TLN2: variants seen among roughly 807,000 people sequenced by gnomAD.
The protein encoded by TLN2 is talin 2.
A neutral mutation model predicts 294.7 loss-of-function variants in TLN2; 118 were observed. The observed-to-expected ratio is 0.40, with a 90% CI of 0.34 to 0.47. The LOEUF (loss-of-function observed/expected upper bound fraction) is 0.47. Ranked by LOEUF, TLN2 falls within the 20% of genes least tolerant of loss-of-function variation. TLN2 has a pLI of 0.84. For missense variants in TLN2, 3,083 were observed against 3,282.2 expected, an observed-to-expected ratio of 0.94 and a Z score of 1.48; for synonymous variants, 1,431 against 1,304.5, an observed-to-expected ratio of 1.10 and a Z score of -2.09.
At position 62,707,145 on chromosome 15, in the gene TLN2, G is replaced by A. The variant is rs1327152822; in HGVS notation, c.2064G>A (p.Lys688=). Residue 688 remains lysine (K), a synonymous_variant, in exon 20 of 59, where the codon AAG becomes AAA. Transcript: ENST00000636159. ...ATGCAGCTGCCATGTTGGTACTAAA[G>A]GCAAAGAATGTTGCCCAAGTGGCCG... ...VANAAAMLVL[K]AKNVAQVAED... is the part of the protein sequence containing the mutation. 6.2e-7 allele frequency: 1 copy of A among 1,614,204 alleles called. No individual in the cohort carries two copies. Among genetic ancestry groups the A allele is most frequent in the Admixed American group, 1.7e-5 (1 of 60,024 alleles).
At chr15:62,538,336 T>C (rs2041481236) in intron 1 of TLN2, among the ~76,000 whole-genome samples, 1 of 152,160 alleles carries the variant, frequency 6.6e-6, no homozygotes, top group African/African-American at 2.4e-5. Flanking sequence ...CCCTTGGATA[T>C]TAAGCACCTA....
intron 11 of TLN2, among the ~76,000 whole-genome samples, chr15:62,681,498 A>G (rs1049119978): frequency 2.6e-5 from 4 of 152,198 alleles, no homozygotes; most frequent in African/African-American, 4.8e-5. Flanking sequence ...TTTTATGTCT[A>G]TGAACATTTT....
intron 24 of TLN2, among the ~76,000 whole-genome samples, chr15:62,718,353 A>G (rs1327767552): frequency 5.9e-5 from 9 of 152,212 alleles, no homozygotes; most frequent in Non-Finnish European, 1.3e-4. Flanking sequence ...TCTGGCTGGC[A>G]TGTCCTGGAA....
chr15:62,716,739 G>A (rs1489196711), intron 23 of TLN2, among the ~76,000 whole-genome samples: 1 of 152,042 alleles, frequency 6.6e-6, no homozygotes, highest in Non-Finnish European at 1.5e-5. Context: ...CATTCAAGAA[G>A]GACCTTTTGC....
At chr15:62,656,997 A>C (rs1350349276) in intron 8 of TLN2, among the ~76,000 whole-genome samples, 1 of 152,146 alleles carries the variant, frequency 6.6e-6, no homozygotes, top group African/African-American at 2.4e-5. Context: ...GATGGCATGG[A>C]AAGAGGGCTG....
intron 1 of TLN2, among the ~76,000 whole-genome samples, chr15:62,421,191 G>T (rs1487692292): frequency 6.6e-6 from 1 of 152,108 alleles, no homozygotes; most frequent in Admixed American, 6.6e-5. Flanking sequence ...ACGAGAAATA[G>T]CATTCCGACC....
chr15:62,672,509 A>G (rs979782828), intron 9 of TLN2, among the ~76,000 whole-genome samples: 1 of 152,170 alleles, frequency 6.6e-6, no homozygotes, highest in Non-Finnish European at 1.5e-5. Context: ...CCATGAGTTG[A>G]TAACTCTCGA....
At chr15:62,710,719 C>A (rs2059370072) in intron 21 of TLN2, among the ~76,000 whole-genome samples, 1 of 121,270 alleles carries the variant, frequency 8.2e-6, no homozygotes, top group African/African-American at 3.4e-5. Context: ...CTGCTGATGT[C>A]CTTTTTTTTT....
rs150784803 is a variant in TLN2, at chr15:62,483,132, A to G, written c.-238+92447A>G. Among the ~76,000 whole-genome samples, 34 of 152,284 alleles carry G rather than the reference A, an allele frequency of 2.2e-4. No homozygotes were observed. In the Middle Eastern group the frequency reaches 0.01, roughly 46 times the overall value. On this transcript the variant is annotated intron_variant, in intron 1 of 58. Transcript: ENST00000636159. ...GCTGTGGTCATCCTGGTCTGTCTGC[A>G]TTAGCTGGGATCTCTTAGGCACCAA... is the stretch of plus-strand genomic sequence containing the variant.
chr15:62,797,092 A>T, intron 47 of TLN2, 127 bp from the exon 48 acceptor site: 4 of 1,015,916 alleles, frequency 3.9e-6, no homozygotes, highest in Non-Finnish European at 5.8e-6. Flanking sequence ...GGGAGGTGTA[A>T]CACAGCACTT....
chr15:62,570,030 A>G (rs1016184354), intron 1 of TLN2, among the ~76,000 whole-genome samples: 1 of 151,882 alleles, frequency 6.6e-6, no homozygotes, highest in Non-Finnish European at 1.5e-5. Flanking sequence ...CTTCTTCTCT[A>G]TCTCTCCTTT....
intron 11 of TLN2, among the ~76,000 whole-genome samples, chr15:62,684,972 C>T (rs941068291): frequency 5.3e-5 from 8 of 151,062 alleles, no homozygotes; most frequent in African/African-American, 2.0e-4. Flanking sequence ...ATGTATATAT[C>T]TAGGCCTCTG....
intron 1 of TLN2, among the ~76,000 whole-genome samples, chr15:62,453,432 T>C (rs1003641343): frequency 1.3e-5 from 2 of 152,136 alleles, no homozygotes; most frequent in Non-Finnish European, 2.9e-5. Context: ...CAAGGCCCTT[T>C]CTTCCTTTGC....
intron 1 of TLN2, among the ~76,000 whole-genome samples, chr15:62,498,923 A>G (rs965981169): frequency 3.3e-5 from 5 of 152,228 alleles, no homozygotes; most frequent in African/African-American, 7.2e-5. Context: ...TAAACAGAGT[A>G]GAGGTCAGTT....
chr15:62,567,236 A>G (rs1184514655), intron 1 of TLN2, among the ~76,000 whole-genome samples: 3 of 152,242 alleles, frequency 2.0e-5, no homozygotes, highest in Admixed American at 6.5e-5. Context: ...TTATTAGCAT[A>G]AAGAATGAAT....
At chr15:62,706,268 GTTC>G (rs1411378700) in intron 19 of TLN2, among the ~76,000 whole-genome samples, 1 of 152,210 alleles carries the variant, frequency 6.6e-6, no homozygotes, top group African/African-American at 2.4e-5. Context: ...TGTAACCATG[GTTC>G]TTCTTCAGGT....
chr15:62,539,541 A>T (rs2041553310), intron 1 of TLN2, among the ~76,000 whole-genome samples: 1 of 152,210 alleles, frequency 6.6e-6, no homozygotes, highest in Non-Finnish European at 1.5e-5. Flanking sequence ...TAAAGTCAGC[A>T]TCACTCTGAA....
At chr15:62,768,147 G>T (rs906549318) in intron 41 of TLN2, among the ~76,000 whole-genome samples, 4 of 152,166 alleles carry the variant, frequency 2.6e-5, no homozygotes, top group Non-Finnish European at 5.9e-5. Flanking sequence ...AGCTTCAGCA[G>T]CACCTGGGAG....
At chr15:62,752,011 T>G (rs1403141793) in intron 34 of TLN2, among the ~76,000 whole-genome samples, 1 of 152,248 alleles carries the variant, frequency 6.6e-6, no homozygotes, top group Non-Finnish European at 1.5e-5. Flanking sequence ...GTTATCAGTT[T>G]AGACCATTCA....
Sources: gnomAD v4.1 joint callset for allele counts (sites outside exome capture counted in the v4.1 genomes callset) on GRCh38, gnomAD v4.1.1 for gene constraint, MANE v1.5 for transcripts, NCBI Gene and HGNC (gene_info 2026-07-23, HGNC 2026-07-21) for gene names.